Variants in PAQR5 observed in about 807,000 individuals in gnomAD.
PAQR5 encodes the protein membrane progestin receptor gamma.
In PAQR5, 20 loss-of-function variants were observed where a neutral mutation model predicts 34.5. The ratio of observed to expected loss-of-function variants is 0.58; its 90% confidence interval spans 0.41 to 0.84. The LOEUF (loss-of-function observed/expected upper bound fraction) is 0.84, where lower values mean the gene tolerates loss of function less well. Among genes scored for constraint, PAQR5 ranks in the 40% least tolerant of loss-of-function variants. The probability of loss-of-function intolerance (pLI) is 0.00; values close to 1 mark genes in which losing one functional copy is unlikely to be tolerated. For missense variants in PAQR5, 378 were observed against 412.7 expected (o/e 0.92, Z 0.73); for synonymous variants, 131 against 155.6 (o/e 0.84, Z 1.18).
chr15:69,381,136 G>A (rs1005006566), intron 4 of PAQR5, among the ~76,000 whole-genome samples: 4 of 152,162 alleles, frequency 2.6e-5, no homozygotes, highest in Non-Finnish European at 5.9e-5. Context: ...CCTGCTCCAG[G>A]GGCCATTTGT....
chr15:69,358,541 C>A (rs904306626), intron 2 of PAQR5, among the ~76,000 whole-genome samples: 1 of 151,734 alleles, frequency 6.6e-6, no homozygotes, highest in Admixed American at 6.6e-5. Flanking sequence ...TGCGGTGCGG[C>A]CTTGGGAAAG....
intron 3 of PAQR5, among the ~76,000 whole-genome samples, chr15:69,378,222 A>C (rs1000433711): frequency 1.4e-5 from 2 of 143,840 alleles, no homozygotes; most frequent in Non-Finnish European, 3.0e-5. Context: ...CCAAGATAAC[A>C]ACACTGCACT....
intron 4 of PAQR5, among the ~76,000 whole-genome samples, chr15:69,384,426 ATGGTGGAGGGTGAGCG>A (rs2056043347): frequency 1.3e-5 from 1 of 76,270 alleles, no homozygotes; most frequent in Non-Finnish European, 2.7e-5. Flanking sequence ...CTCCGTGTTC[ATGGTGGAGGGTGAGCG>A]GGCCCTCCGT....
At chr15:69,402,754 A>C (rs1359944319) in intron 8 of PAQR5, among the ~76,000 whole-genome samples, 1 of 152,106 alleles carries the variant, frequency 6.6e-6, no homozygotes, top group Non-Finnish European at 1.5e-5. Context: ...CAGCACATGT[A>C]TTTTTCAGGG....
chr15:69,392,082 A>C (rs1567039667), intron 6 of PAQR5: 2 of 248,124 alleles, frequency 8.1e-6, no homozygotes, highest in East Asian at 2.8e-4. Flanking sequence ...TGAATGATCC[A>C]AGATGGCTTC....
At chr15:69,390,817 C>A (rs2056246101) in intron 6 of PAQR5, among the ~76,000 whole-genome samples, 1 of 150,632 alleles carries the variant, frequency 6.6e-6, no homozygotes, top group South Asian at 2.1e-4. Context: ...CTTACGCGCT[C>A]TAATTCCCAC....
chr15:69,335,419 A>T (rs1262686415), intron 1 of PAQR5, among the ~76,000 whole-genome samples: 2 of 149,140 alleles, frequency 1.3e-5, no homozygotes, highest in Non-Finnish European at 3.0e-5. Flanking sequence ...CTAATTTTTT[A>T]TTTGTAGTAG....
chr15:69,361,916 A>G (rs2055244570), intron 3 of PAQR5, among the ~76,000 whole-genome samples: 1 of 150,760 alleles, frequency 6.6e-6, no homozygotes, highest in Admixed American at 6.6e-5. Flanking sequence ...GAGCAGTGTG[A>G]GCAAAGGCCT....
intron 2 of PAQR5, among the ~76,000 whole-genome samples, chr15:69,352,332 C>G (rs1007121392): frequency 6.6e-6 from 1 of 152,190 alleles, no homozygotes; most frequent in African/African-American, 2.4e-5. Context: ...GTATCATGAA[C>G]TGAATGTTAT....
At chr15:69,364,544 T>TTA (rs945691252) in intron 3 of PAQR5, among the ~76,000 whole-genome samples, 16 of 148,084 alleles carry the variant, frequency 1.1e-4, no homozygotes, top group Middle Eastern at 3.6e-3. Flanking sequence ...ATTATATATG[T>TTA]TATATATATA....
At chr15:69,311,581 T>G (rs750238713) in intron 1 of PAQR5, among the ~76,000 whole-genome samples, 4 of 152,184 alleles carry the variant, frequency 2.6e-5, no homozygotes, top group African/African-American at 7.2e-5. Flanking sequence ...TCCCTGCCCT[T>G]AGTCGCCCAG....
chr15:69,360,484 A>G (rs929227185), intron 3 of PAQR5, among the ~76,000 whole-genome samples: 1 of 152,314 alleles, frequency 6.6e-6, no homozygotes, highest in Admixed American at 6.5e-5. Flanking sequence ...AAAGCAGGCT[A>G]TGGGCAAAGG....
At chr15:69,348,514 C>A (rs2054830217) in intron 2 of PAQR5, among the ~76,000 whole-genome samples, 1 of 152,120 alleles carries the variant, frequency 6.6e-6, no homozygotes, top group South Asian at 2.1e-4. Flanking sequence ...GCGAGGTGAC[C>A]AGCATAGGTT....
chr15:69,376,007 T>C (rs138692647), intron 3 of PAQR5, among the ~76,000 whole-genome samples: 2 of 152,354 alleles, frequency 1.3e-5, no homozygotes, highest in South Asian at 2.1e-4. Context: ...GTCTTGGCCA[T>C]GCAAGAAGGC....
chr15:69,397,631 T>C, intron 7 of PAQR5, 67 bp downstream of exon 7: 1 of 1,056,780 alleles, frequency 9.5e-7, no homozygotes, highest in Admixed American at 1.7e-5. Context: ...TTTCCTGAGC[T>C]TCTGGGGGGT....
chr15:69,364,113 C>T, intron 3 of PAQR5, among the ~76,000 whole-genome samples: 1 of 151,982 alleles, frequency 6.6e-6, no homozygotes, highest in Admixed American at 6.6e-5. Flanking sequence ...TTGTGAAGAT[C>T]CAATAAAAAT....
At chr15:69,397,245 G>A (rs186488674) in intron 6 of PAQR5, 27 of 679,780 alleles carry the variant, frequency 4.0e-5, no homozygotes, top group Middle Eastern at 4.7e-4. Flanking sequence ...CCATGGTCAG[G>A]AGATGGTGTC....
At chr15:69,365,264 C>T (rs958395544) in intron 3 of PAQR5, among the ~76,000 whole-genome samples, 5 of 151,660 alleles carry the variant, frequency 3.3e-5, no homozygotes, top group African/African-American at 1.2e-4. Flanking sequence ...GTGCCACCAT[C>T]CCTGGCTAAT....
chr15:69,391,398 C>T (rs987919700), intron 6 of PAQR5: 4 of 170,004 alleles, frequency 2.4e-5, no homozygotes, highest in Non-Finnish European at 5.1e-5. Flanking sequence ...GCCTTCCATT[C>T]ACCTGCGCTA....
Sources: gnomAD v4.1 joint callset for allele counts (sites outside exome capture counted in the v4.1 genomes callset) on GRCh38, gnomAD v4.1.1 for gene constraint, MANE v1.5 for transcripts, NCBI Gene and HGNC (gene_info 2026-07-23, HGNC 2026-07-21) for gene names.